Variants in DNMBP observed in about 807,000 individuals in gnomAD.
DNMBP encodes the protein dynamin-binding protein.
In DNMBP, 87 loss-of-function variants were observed where a neutral mutation model predicts 150.0. The observed-to-expected ratio is 0.58, with a 90% CI of 0.49 to 0.69. The LOEUF (loss-of-function observed/expected upper bound fraction) is 0.69, where lower values mean the gene tolerates loss of function less well. DNMBP is among the 30% of genes least tolerant of loss of function. DNMBP has a pLI of 0.00. For synonymous variants in DNMBP, 711 were observed against 750.4 expected, an observed-to-expected ratio of 0.95 and a Z score of 0.86; for missense variants, 1,774 against 1,949.0, an observed-to-expected ratio of 0.91 and a Z score of 1.69.
At chr10:100,000,962 G>A (rs369267900) in intron 1 of DNMBP, among the ~76,000 whole-genome samples, 4 of 151,144 alleles carry the variant, frequency 2.6e-5, no homozygotes, top group African/African-American at 9.7e-5. Flanking sequence ...GCCGGGCACG[G>A]TGGCTCACGC....
In DNMBP at chr10:99,956,471, C is replaced by T; in HGVS notation, c.1003G>A (p.Glu335Lys). Reference sequence around the variant, plus strand: ...TCACTGGTTTCATGTCTTTGTTCCTCTACTCCTAAGGTGTTCTCCAAACAA... The same window carrying T: ...TCACTGGTTTCATGTCTTTGTTCCTTTACTCCTAAGGTGTTCTCCAAACAA... ...LDCLENTLGVEEQRHETSDHE... is the reference protein window; with the variant it reads ...LDCLENTLGVKEQRHETSDHE... Residue 335 changes from glutamate (E) to lysine (K), a missense_variant, in exon 4 of 17, where the codon GAG becomes AAG. Transcript: ENST00000324109. The T allele has an allele frequency of 6.2e-7, 1 of 1,614,136 alleles. No individual in the cohort carries two copies. Among genetic ancestry groups the T allele is most frequent in the Non-Finnish European group, 8.5e-7 (1 of 1,180,038 alleles).
chr10:99,982,282 A>C (rs186090924), intron 1 of DNMBP, among the ~76,000 whole-genome samples: 2 of 151,962 alleles, frequency 1.3e-5, no homozygotes, highest in Non-Finnish European at 2.9e-5. Context: ...CTGTCTCTAT[A>C]AAAACACAAA....
At chr10:99,917,069 C>G (rs553496473) in intron 4 of DNMBP, among the ~76,000 whole-genome samples, 2 of 152,180 alleles carry the variant, frequency 1.3e-5, no homozygotes, top group East Asian at 3.9e-4. Flanking sequence ...ATAAAATACT[C>G]TTATAAGGCC....
At chr10:99,937,397 T>TTTA (rs921033970) in intron 4 of DNMBP, among the ~76,000 whole-genome samples, 2 of 152,136 alleles carry the variant, frequency 1.3e-5, no homozygotes, top group African/African-American at 2.4e-5. Context: ...AAGGAGGGTA[T>TTTA]TTATTATACT....
Position 99,993,232 on chromosome 10 carries a change from C to T in DNMBP, c.-11+16606G>A, listed in dbSNP as rs373587902. Among the ~76,000 whole-genome samples the T allele has an allele frequency of 3.6e-4, 55 of 152,114 alleles. 1 individual carries two copies. The highest frequency in any genetic ancestry group is 1.2e-3 in the African/African-American group (50 of 41,418). On this transcript the variant is annotated intron_variant, in intron 1 of 16. Coordinates refer to ENST00000324109, the MANE Select transcript of DNMBP (RefSeq NM_015221.4). ...AGATAGACACTCCCAAAACCTTTTT[C>T]ATAGCATTGGGATGTATTCTGGTAT...
chr10:99,888,813 A>T lies in DNMBP; in HGVS notation c.3285+12T>A. The T allele has an allele frequency of 6.2e-7, 1 of 1,613,892 alleles. No individual in the cohort carries two copies. Among genetic ancestry groups the T allele is most frequent in the Non-Finnish European group, 8.5e-7 (1 of 1,179,884 alleles). On this transcript the variant is annotated intron_variant, in intron 12 of 16. Coordinates refer to ENST00000324109, the MANE Select transcript of DNMBP (RefSeq NM_015221.4). The stretch of plus-strand genomic sequence containing the variant: ...GGGAAGGGGGCCAACTTTTGAAGAA[A>T]AAGTTACTTACAAAGTTTGTGAAGA...
At chr10:99,983,545 A>G (rs972300739) in intron 1 of DNMBP, among the ~76,000 whole-genome samples, 1 of 152,186 alleles carries the variant, frequency 6.6e-6, no homozygotes, top group Non-Finnish European at 1.5e-5. Context: ...GCAACAGATG[A>G]GGGAAAAGCA....
At chr10:100,008,988 A>G (rs924816605) in intron 1 of DNMBP, among the ~76,000 whole-genome samples, 1 of 152,252 alleles carries the variant, frequency 6.6e-6, no homozygotes, top group East Asian at 1.9e-4. Flanking sequence ...TTAGTTATGA[A>G]AGTGTTTTAA....
intron 1 of DNMBP, among the ~76,000 whole-genome samples, chr10:100,002,558 T>G (rs1341483826): frequency 6.6e-6 from 1 of 152,252 alleles, no homozygotes; most frequent in East Asian, 1.9e-4. Context: ...CTTATCATCC[T>G]GAGTATGGCT....
chr10:99,919,926 T>C (rs1335148410), intron 4 of DNMBP, among the ~76,000 whole-genome samples: 1 of 152,226 alleles, frequency 6.6e-6, no homozygotes, highest in Non-Finnish European at 1.5e-5. Context: ...GTTAGTTCCA[T>C]TTGAGTGAAT....
intron 8 of DNMBP, 58 bp from the exon 9 acceptor site, chr10:99,898,343 G>C (rs1253984578): frequency 1.4e-6 from 2 of 1,456,146 alleles, no homozygotes; most frequent in South Asian, 1.1e-5. Flanking sequence ...GCCCAGCCTG[G>C]GAACATCGTG....
In DNMBP at chr10:99,909,117, ATGAAGAC is replaced by A; in HGVS notation, c.2283_2289del (p.Gln761HisfsTer27). The stretch of plus-strand genomic sequence containing the variant: ...ACAGACCCAGAAGGGGCCACCAGTG[ATGAAGAC>A]TGGGAGGAGAGGAGCGTCATTTCTA... On this transcript the variant is annotated frameshift_variant, in exon 5 of 17. Coordinates refer to ENST00000324109, the MANE Select transcript of DNMBP (RefSeq NM_015221.4). LOFTEE classifies it high-confidence loss of function. The A allele has an allele frequency of 6.2e-7, 1 of 1,614,082 alleles. No homozygotes were observed. The highest frequency in any genetic ancestry group is 2.2e-5 in the East Asian group (1 of 44,880).
intron 1 of DNMBP, among the ~76,000 whole-genome samples, chr10:100,003,263 C>T (rs2041035694): frequency 6.6e-6 from 1 of 152,212 alleles, no homozygotes. Context: ...AGGAGAATTG[C>T]TTGAACCTGG....
At chr10:100,004,642 C>A (rs757100067) in intron 1 of DNMBP, among the ~76,000 whole-genome samples, 1 of 152,062 alleles carries the variant, frequency 6.6e-6, no homozygotes, top group Non-Finnish European at 1.5e-5. Flanking sequence ...CATGAAAATG[C>A]GGGCCCTAGA....
In DNMBP at chr10:99,900,021, T is replaced by C. The variant is rs545392332; in HGVS notation, c.2600A>G (p.Lys867Arg). 4.3e-6 allele frequency: 7 copies of C among 1,614,148 alleles called. No individual in the cohort carries two copies. In the South Asian group the frequency reaches 5.5e-5, roughly 13 times the overall value. ...CTCATCATGATTCTGGCAGTAAATC[T>C]TGTATGTTCCCTCAAGCTCATCCCG... is the stretch of plus-strand genomic sequence containing the variant. ...GHRDELEGTY[K>R]IYCQNHDEAI... is the part of the protein sequence containing the mutation. The change falls in exon 7 of 17, where the codon AAG (lysine) becomes AGG (arginine). Residue 867 changes from lysine (K) to arginine (R), a missense_variant. Around this residue, in one of 2 missense-constraint regions of DNMBP, gnomAD observed 1,430 missense variants for 1,492.5 expected, o/e 0.96. Transcript: ENST00000324109.
chr10:99,895,317 G>T (rs2039637149), intron 10 of DNMBP, among the ~76,000 whole-genome samples: 1 of 151,820 alleles, frequency 6.6e-6, no homozygotes, highest in Middle Eastern at 3.2e-3. Context: ...AGTAGAGATG[G>T]GGTTTCACCA....
At chr10:99,912,528 C>G (rs538861230) in intron 4 of DNMBP, among the ~76,000 whole-genome samples, 1 of 152,300 alleles carries the variant, frequency 6.6e-6, no homozygotes, top group African/African-American at 2.4e-5. Flanking sequence ...CTTGAGCAGC[C>G]TTTAAAAACC....
In DNMBP at chr10:99,885,465, C is replaced by A. The variant is rs191082600; in HGVS notation, c.3798+222G>T. 1.9e-4 allele frequency among the ~76,000 whole-genome samples: 29 copies of A among 152,144 alleles called. No individual in the cohort carries two copies. In the East Asian group the frequency reaches 5.6e-3, roughly 29 times the overall value. ...GGCGCAGGTTGTAGTGAGCCAAGATCACACCACTGCACTCCAGCCTGGCAA... is the reference window on the plus strand; with the variant it reads ...GGCGCAGGTTGTAGTGAGCCAAGATAACACCACTGCACTCCAGCCTGGCAA... On this transcript the variant is annotated intron_variant, in intron 14 of 16. Coordinates refer to ENST00000324109, the MANE Select transcript of DNMBP (RefSeq NM_015221.4).
At chr10:99,960,234 C>G (rs890187943) in intron 3 of DNMBP, among the ~76,000 whole-genome samples, 1 of 152,088 alleles carries the variant, frequency 6.6e-6, no homozygotes, top group Non-Finnish European at 1.5e-5. Context: ...TGTTTTATAA[C>G]AAACTCTTGA....
Sources: allele counts gnomAD v4.1 joint callset (sites outside exome capture counted in the v4.1 genomes callset), GRCh38; gene constraint gnomAD v4.1.1; regional missense constraint gnomAD v4.1.1; transcripts MANE v1.5; gene names NCBI Gene and HGNC (gene_info 2026-07-23, HGNC 2026-07-21).